TACC1: variants seen among roughly 807,000 people sequenced by gnomAD.
TACC1 encodes the protein transforming acidic coiled-coil-containing protein 1.
Under a neutral mutation model 84.4 loss-of-function variants are expected in TACC1, and 48 were observed. That is an observed-to-expected ratio of 0.57 (90% CI 0.45 to 0.72). The LOEUF is 0.72. Among genes scored for constraint, TACC1 ranks in the 30% least tolerant of loss-of-function variants. The probability of loss-of-function intolerance (pLI) is 0.00; values close to 1 mark genes in which losing one functional copy is unlikely to be tolerated. For missense variants in TACC1, 920 were observed against 973.0 expected (o/e 0.95, Z 0.72); for synonymous variants, 372 against 376.3 (o/e 0.99, Z 0.13).
Position 38,820,128 on chromosome 8 carries a change from C to G in TACC1, c.884C>G (p.Pro295Arg), listed in dbSNP as rs1482558443. The G allele has an allele frequency of 1.9e-6, 3 of 1,613,980 alleles. No homozygotes were observed. The highest frequency in any genetic ancestry group is 2.5e-6 in the Non-Finnish European group (3 of 1,180,020). ...TCTCCCCCTGACCTTAAAGAAACTC[C>G]CGGCACTCTCAGTAGTGACACCAAC... Reference protein sequence around the residue: ...QKSPPDLKETPGTLSSDTNDS... With the variant: ...QKSPPDLKETRGTLSSDTNDS... The change falls in exon 3 of 13, where the codon CCC becomes CGC. Residue 295 changes from proline to arginine, a missense_variant. This residue lies in a region of TACC1 where 762 missense variants were observed against 747.3 expected (regional missense o/e 1.02). Coordinates refer to ENST00000317827, the MANE Select transcript of TACC1 (RefSeq NM_006283.3).
rs2013586 is a variant in TACC1, at chr8:38,820,414, A to G, written c.1170A>G (p.Glu390=). Residue 390 remains glutamate, a synonymous_variant, in exon 3 of 13, where the codon GAA becomes GAG. Transcript: ENST00000317827. ...CCAAGCCAGATCCTAGTCAGTGGGA[A>G]AGCCCCAGCTTCAACCCCTTTGGGA... The part of the protein sequence containing the change: ...TSSKPDPSQW[E]SPSFNPFGSH... The G allele has an allele frequency of 0.38, 620,878 of 1,613,880 alleles. 124,316 individuals are homozygous for G. Among genetic ancestry groups the G allele is most frequent in the Non-Finnish European group, 0.42 (492,894 of 1,179,892 alleles).
At position 38,795,962 on chromosome 8, in the gene TACC1, T is replaced by G. The variant is rs111968830; in HGVS notation, c.277+7143T>G. Reference sequence around the variant, plus strand: ...AAATGTATCTTGACAGTTTGGCAGATGCAGATACTCTCCTAGCCAGTCGAG... The same window carrying G: ...AAATGTATCTTGACAGTTTGGCAGAGGCAGATACTCTCCTAGCCAGTCGAG... On this transcript the variant is annotated intron_variant, in intron 2 of 12. Coordinates refer to ENST00000317827, the MANE Select transcript of TACC1 (RefSeq NM_006283.3). Among the ~76,000 whole-genome samples the G allele has an allele frequency of 5.8e-3, 877 of 152,368 alleles. 3 individuals are homozygous for G. Among genetic ancestry groups the G allele is most frequent in the Non-Finnish European group, 0.01 (705 of 68,034 alleles).
rs1195354463 is a variant in TACC1, at chr8:38,848,085, T to C, written c.*62T>C. 1 of 1,489,452 alleles carries C rather than the reference T, an allele frequency of 6.7e-7. No homozygotes were observed. The highest frequency in any genetic ancestry group is 9.2e-7 in the Non-Finnish European group (1 of 1,081,616). 92.3% of individuals were successfully genotyped at this position (1,489,452 alleles called of 1,614,324 possible). A position where few individuals can be genotyped will look rare whatever the true frequency, so the allele number is the denominator to read the frequency against. Reference sequence around the variant, plus strand: ...GCTGCTTCTCTTGTGACCACAATTATCTTGCCTTATCCAGGAATAATTGCC... The same window carrying C: ...GCTGCTTCTCTTGTGACCACAATTACCTTGCCTTATCCAGGAATAATTGCC... On this transcript the variant is annotated 3_prime_UTR_variant, in exon 13 of 13. Coordinates refer to ENST00000317827, the MANE Select transcript of TACC1 (RefSeq NM_006283.3).
Position 38,804,466 on chromosome 8 carries a change from A to AT in TACC1, c.278-15050dup, listed in dbSNP as rs1372541228. The stretch of plus-strand genomic sequence containing the variant: ...AGGCACCTGCCACCATGCCTGGCTA[A>AT]TTTTTTGTATTTTTAGTAGAGATGG... On this transcript the variant is annotated intron_variant, in intron 2 of 12. Coordinates refer to ENST00000317827, the MANE Select transcript of TACC1 (RefSeq NM_006283.3). 3.3e-5 allele frequency among the ~76,000 whole-genome samples: 5 copies of AT among 151,976 alleles called. No homozygotes were observed. The South Asian group carries it at 1.0e-3, about 32-fold the overall frequency.
intron 3 of TACC1, among the ~76,000 whole-genome samples, chr8:38,763,674 A>G (rs903910214): frequency 6.6e-6 from 1 of 152,194 alleles, no homozygotes; most frequent in Non-Finnish European, 1.5e-5. Context: ...TTTTTCAAAA[A>G]TGGGGTTCTG....
chr8:38,834,193 ATCCAGGCTTGACTTGGGGAGGATCT>A (rs1239405898), intron 6 of TACC1, among the ~76,000 whole-genome samples: 4 of 152,208 alleles, frequency 2.6e-5, no homozygotes, highest in Non-Finnish European at 5.9e-5. Flanking sequence ...CTGCAGTCAT[ATCCAGGCTTGACTTGGGGAGGATCT>A]GCTTCCAAGC....
At chr8:38,823,996 T>C in intron 3 of TACC1, 2 of 1,352,144 alleles carry the variant, frequency 1.5e-6, no homozygotes, top group Non-Finnish European at 9.8e-7. Context: ...TCAGGACTAC[T>C]GAACAAGTGA....
At chr8:38,824,926 G>C (rs1247706018) in intron 3 of TACC1, among the ~76,000 whole-genome samples, 1 of 152,210 alleles carries the variant, frequency 6.6e-6, no homozygotes, top group Non-Finnish European at 1.5e-5. Context: ...TTTTTCTAAT[G>C]AATGTCAAAG....
At chr8:38,781,525 G>A (rs1360343594) in intron 3 of TACC1, among the ~76,000 whole-genome samples, 4 of 152,096 alleles carry the variant, frequency 2.6e-5, no homozygotes, top group South Asian at 4.2e-4. Flanking sequence ...AGGATGACAG[G>A]TGCGTGCCAC....
At chr8:38,812,399 C>T (rs190610260) in intron 2 of TACC1, among the ~76,000 whole-genome samples, 185 of 152,234 alleles carry the variant, frequency 1.2e-3, no homozygotes, top group Non-Finnish European at 2.0e-3. Context: ...CCCCCGGCGG[C>T]GGCCCAGCTG....
intron 2 of TACC1, among the ~76,000 whole-genome samples, chr8:38,791,105 C>T (rs992522930): frequency 7.2e-5 from 11 of 152,036 alleles, no homozygotes; most frequent in African/African-American, 1.4e-4. Flanking sequence ...TCAGCTTGGG[C>T]GGCCCTTCCT....
At chr8:38,792,705 T>TCCGC (rs1818996463) in intron 2 of TACC1, among the ~76,000 whole-genome samples, 1 of 152,184 alleles carries the variant, frequency 6.6e-6, no homozygotes, top group Non-Finnish European at 1.5e-5. Flanking sequence ...GACCTCGTGA[T>TCCGC]CCGCCCGCCT....
chr8:38,848,135 T>A lies in TACC1; in HGVS notation c.*112T>A. ...CCCTTTGCAGAGAAAAAAAAAAACT[T>A]AAAAAAAGCACATGCCTACTGCTGC... On this transcript the variant is annotated 3_prime_UTR_variant, in exon 13 of 13. Coordinates refer to ENST00000317827, the MANE Select transcript of TACC1 (RefSeq NM_006283.3). 3 of 1,040,944 alleles carry A rather than the reference T, an allele frequency of 2.9e-6. No individual in the cohort carries two copies. The highest frequency in any genetic ancestry group is 1.6e-5 in the African/African-American group (1 of 61,508). The allele number at this position is 1,040,944 out of a possible 1,614,324, so 64.5% of individuals were successfully genotyped here. A position where few individuals can be genotyped will look rare whatever the true frequency, so the allele number is the denominator to read the frequency against.
chr8:38,815,113 A>G (rs1587926823), intron 2 of TACC1, among the ~76,000 whole-genome samples: 1 of 152,128 alleles, frequency 6.6e-6, no homozygotes, highest in Non-Finnish European at 1.5e-5. Context: ...CCACCATGCC[A>G]CACCATCCAC....
At chr8:38,818,208 C>T (rs993711088) in intron 2 of TACC1, among the ~76,000 whole-genome samples, 1 of 152,102 alleles carries the variant, frequency 6.6e-6, no homozygotes, top group African/African-American at 2.4e-5. Context: ...TGCACTCCAG[C>T]CTGGGTAACA....
chr8:38,784,730 T>G (rs1816784945), upstream of TACC1, among the ~76,000 whole-genome samples: 1 of 152,200 alleles, frequency 6.6e-6, no homozygotes, highest in Admixed American at 6.5e-5. Flanking sequence ...CAAGGACTAT[T>G]TGTAAACTAG....
intron 6 of TACC1, among the ~76,000 whole-genome samples, chr8:38,835,735 C>T (rs146136089): frequency 6.6e-6 from 1 of 152,322 alleles, no homozygotes; most frequent in East Asian, 1.9e-4. Flanking sequence ...AAGATACATA[C>T]AAAGCATCAA....
At chr8:38,797,496 T>C (rs1310887859) in intron 2 of TACC1, among the ~76,000 whole-genome samples, 2 of 152,200 alleles carry the variant, frequency 1.3e-5, no homozygotes, top group Admixed American at 1.3e-4. Flanking sequence ...CAGAACTGGC[T>C]GAAGAAATTA....
chr8:38,823,220 G>T (rs1405889762), intron 3 of TACC1, among the ~76,000 whole-genome samples: 1 of 152,200 alleles, frequency 6.6e-6, no homozygotes, highest in African/African-American at 2.4e-5. Flanking sequence ...CCCCGGAATG[G>T]CTAAGGGGAG....
Sources: allele counts gnomAD v4.1 joint callset (sites outside exome capture counted in the v4.1 genomes callset), GRCh38; gene constraint gnomAD v4.1.1; regional missense constraint gnomAD v4.1.1; transcripts MANE v1.5; gene names NCBI Gene and HGNC (gene_info 2026-07-23, HGNC 2026-07-21).